MYRFL: variants seen among roughly 807,000 people sequenced by gnomAD.
MYRFL encodes myelin regulatory factor-like protein.
Under a neutral mutation model 109.4 loss-of-function variants are expected in MYRFL, and 88 were observed. The ratio of observed to expected loss-of-function variants is 0.80; its 90% CI spans 0.68 to 0.96. The LOEUF (loss-of-function observed/expected upper bound fraction) is 0.96, where lower values mean the gene tolerates loss of function less well. MYRFL is among the 40% of genes least tolerant of loss of function. MYRFL has a pLI of 0.00. For missense variants in MYRFL, 957 were observed against 954.9 expected (o/e 1.00, Z -0.03); for synonymous variants, 324 against 320.9 (o/e 1.01, Z -0.10).
chr12:69,852,020 A>C (rs1372116897), intron 1 of MYRFL, among the ~76,000 whole-genome samples: 1 of 152,228 alleles, frequency 6.6e-6, no homozygotes, highest in Non-Finnish European at 1.5e-5. Flanking sequence ...TGTATGACTT[A>C]ATCTGAACTA....
intron 8 of MYRFL, among the ~76,000 whole-genome samples, chr12:69,894,652 T>C (rs1844948539): frequency 6.6e-6 from 1 of 152,264 alleles, no homozygotes; most frequent in Admixed American, 6.5e-5. Flanking sequence ...AAAGCATATA[T>C]AGCTGGTAGT....
chr12:69,885,526 G>A (rs772390348), intron 5 of MYRFL, among the ~76,000 whole-genome samples: 3 of 152,094 alleles, frequency 2.0e-5, no homozygotes, highest in East Asian at 1.9e-4. Flanking sequence ...ACTGAGAGCC[G>A]CACCTGGTCT....
At chr12:69,895,145 C>T (rs1387627807) in intron 8 of MYRFL, among the ~76,000 whole-genome samples, 1 of 152,204 alleles carries the variant, frequency 6.6e-6, no homozygotes, top group East Asian at 1.9e-4. Flanking sequence ...CTTTTACTGA[C>T]TGAGCATTTC....
intron 2 of MYRFL, among the ~76,000 whole-genome samples, chr12:69,867,876 A>G (rs940311399): frequency 1.2e-4 from 18 of 152,228 alleles, no homozygotes; most frequent in African/African-American, 4.1e-4. Context: ...AGCCTGAAGA[A>G]GAAGACTGGG....
At chr12:69,906,244 G>C (rs1052548862) in intron 11 of MYRFL, among the ~76,000 whole-genome samples, 2 of 152,058 alleles carry the variant, frequency 1.3e-5, no homozygotes, top group Non-Finnish European at 2.9e-5. Flanking sequence ...TGCTCACAGG[G>C]ACACAGATCC....
In MYRFL at chr12:69,936,451, A is replaced by C; in HGVS notation, c.2045-2A>C. The C allele has an allele frequency of 6.5e-7, 1 of 1,534,358 alleles. No individual in the cohort carries two copies. On this transcript the variant is annotated splice_acceptor_variant, in intron 18 of 24. Transcript: ENST00000552032. LOFTEE classifies it high-confidence loss of function. ...CCCTCCCCCCTGCCCAATGCCTTGC[A>C]GCACCTAATACATCCCTGGTAACCA...
intron 2 of MYRFL, among the ~76,000 whole-genome samples, chr12:69,864,244 A>C (rs1884871840): frequency 6.6e-6 from 1 of 151,956 alleles, no homozygotes; most frequent in Admixed American, 6.6e-5. Context: ...TTTCTTTACC[A>C]GTGTCTTTCT....
chr12:69,842,977 G>A (rs576095640), intron 1 of MYRFL, among the ~76,000 whole-genome samples: 26 of 152,332 alleles, frequency 1.7e-4, no homozygotes, highest in Admixed American at 2.6e-4. Flanking sequence ...AAATGTGTAA[G>A]TAAATGAATA....
intron 2 of MYRFL, among the ~76,000 whole-genome samples, chr12:69,871,809 G>A (rs1297196679): frequency 2.6e-5 from 4 of 151,334 alleles, no homozygotes; most frequent in Admixed American, 6.6e-5. Flanking sequence ...TTTACAATTT[G>A]TTTGGCTTTG....
At chr12:69,854,955 A>G (rs1884181590) in intron 1 of MYRFL, among the ~76,000 whole-genome samples, 1 of 152,232 alleles carries the variant, frequency 6.6e-6, no homozygotes, top group Admixed American at 6.5e-5. Context: ...AGAAACCAGT[A>G]CATTTATTTT....
chr12:69,825,705 G>A, intron 1 of MYRFL, 142 bp downstream of exon 1: 1 of 609,722 alleles, frequency 1.6e-6, no homozygotes. Context: ...TCAAAAGTAG[G>A]GGTTTATTTG....
At chr12:69,876,448 G>T (rs901516286) in intron 2 of MYRFL, among the ~76,000 whole-genome samples, 8 of 151,934 alleles carry the variant, frequency 5.3e-5, no homozygotes, top group African/African-American at 1.7e-4. Context: ...AGATTTGGTA[G>T]GAGTTTAATC....
chr12:69,952,943 G>A, intron 21 of MYRFL, 57 bp downstream of exon 21: 2 of 1,236,186 alleles, frequency 1.6e-6, no homozygotes, highest in Non-Finnish European at 2.2e-6. Context: ...CATGGCTCTG[G>A]GTTTTTAAGA....
intron 15 of MYRFL, among the ~76,000 whole-genome samples, chr12:69,930,113 C>T (rs1955223894): frequency 6.6e-6 from 1 of 152,180 alleles, no homozygotes; most frequent in African/African-American, 2.4e-5. Flanking sequence ...CATGCCACGA[C>T]TCATCTCCTA....
intron 11 of MYRFL, among the ~76,000 whole-genome samples, chr12:69,906,885 A>G (rs1954380674): frequency 6.6e-6 from 1 of 152,222 alleles, no homozygotes; most frequent in Non-Finnish European, 1.5e-5. Flanking sequence ...CTAATGATAT[A>G]TTATAGAAAC....
intron 7 of MYRFL, among the ~76,000 whole-genome samples, chr12:69,892,089 ATTATT>A (rs1170521526): frequency 6.6e-6 from 1 of 152,132 alleles, no homozygotes; most frequent in Non-Finnish European, 1.5e-5. Context: ...TGTATTCTTA[ATTATT>A]TTATTTTTAT....
At chr12:69,932,001 A>G (rs750079493) in intron 15 of MYRFL, among the ~76,000 whole-genome samples, 4 of 152,206 alleles carry the variant, frequency 2.6e-5, no homozygotes, top group Non-Finnish European at 4.4e-5. Context: ...ACAGGTGACA[A>G]ATTGAATACT....
intron 2 of MYRFL, among the ~76,000 whole-genome samples, chr12:69,859,646 G>A (rs1182145218): frequency 6.6e-6 from 1 of 152,078 alleles, no homozygotes; most frequent in Non-Finnish European, 1.5e-5. Flanking sequence ...AGACATTTAT[G>A]CAGCCAAAAA....
At chr12:69,895,991 A>G (rs11177938) in intron 9 of MYRFL, among the ~76,000 whole-genome samples, 48,351 of 152,112 alleles carry the variant, frequency 0.32, 7,983 homozygotes, top group African/African-American at 0.36. Context: ...ACTCTGAATC[A>G]AAAACTCTGG....
Sources: allele counts gnomAD v4.1 joint callset (sites outside exome capture counted in the v4.1 genomes callset), GRCh38; gene constraint gnomAD v4.1.1; transcripts MANE v1.5; gene names NCBI Gene and HGNC (gene_info 2026-07-23, HGNC 2026-07-21).